Variants in ALK observed in about 807,000 individuals in gnomAD.
ALK encodes ALK tyrosine kinase receptor.
A neutral mutation model predicts 163.1 loss-of-function variants in ALK; 74 were observed. The ratio of observed to expected loss-of-function variants is 0.45; its 90% confidence interval spans 0.38 to 0.55. The LOEUF (loss-of-function observed/expected upper bound fraction) is 0.55. Ranked by LOEUF, ALK falls within the 20% of genes least tolerant of loss-of-function variation. The probability of loss-of-function intolerance (pLI) is 0.00; values close to 1 mark genes in which losing one functional copy is unlikely to be tolerated. For synonymous variants in ALK, 960 were observed against 843.2 expected, an observed-to-expected ratio of 1.14 and a Z score of -2.40; for missense variants, 2,063 against 2,105.3, an observed-to-expected ratio of 0.98 and a Z score of 0.39.
chr2:29,677,038 C>A (rs554167821), intron 3 of ALK, among the ~76,000 whole-genome samples: 1 of 151,872 alleles, frequency 6.6e-6, no homozygotes, highest in South Asian at 2.1e-4. Flanking sequence ...TTTGTGAATT[C>A]TTTTGGGATT....
intron 3 of ALK, among the ~76,000 whole-genome samples, chr2:29,688,153 G>A (rs1678292055): frequency 6.6e-6 from 1 of 152,206 alleles, no homozygotes; most frequent in Admixed American, 6.5e-5. Context: ...ACTTAAGAGG[G>A]AACACAGGGG....
intron 3 of ALK, among the ~76,000 whole-genome samples, chr2:29,605,614 G>A (rs184051844): frequency 9.7e-4 from 147 of 152,212 alleles, no homozygotes; most frequent in Non-Finnish European, 1.6e-3. Context: ...TTTCTTCCAC[G>A]TGATCACCTG....
intron 4 of ALK, among the ~76,000 whole-genome samples, chr2:29,480,389 C>A (rs11674611): frequency 6.6e-6 from 1 of 151,962 alleles, no homozygotes; most frequent in Non-Finnish European, 1.5e-5. Flanking sequence ...TTTTCTATGT[C>A]TCTAAAATAT....
At chr2:29,728,607 G>A (rs1679642005) in intron 1 of ALK, among the ~76,000 whole-genome samples, 1 of 152,232 alleles carries the variant, frequency 6.6e-6, no homozygotes, top group South Asian at 2.1e-4. Context: ...GAGAGGCAGG[G>A]GAAGATTACC....
chr2:29,651,208 TC>T (rs1425816814), intron 3 of ALK, among the ~76,000 whole-genome samples: 1 of 152,088 alleles, frequency 6.6e-6, no homozygotes, highest in Non-Finnish European at 1.5e-5. Flanking sequence ...AGACCACTCT[TC>T]CTGACATGAT....
chr2:29,512,742 G>C (rs977132433), intron 4 of ALK, among the ~76,000 whole-genome samples: 4 of 149,072 alleles, frequency 2.7e-5, no homozygotes, highest in African/African-American at 9.9e-5. Flanking sequence ...TGTATATCTA[G>C]AAAACCCCAC....
chr2:29,401,778 A>G (rs1489244661), intron 4 of ALK, among the ~76,000 whole-genome samples: 1 of 152,174 alleles, frequency 6.6e-6, no homozygotes, highest in Non-Finnish European at 1.5e-5. Flanking sequence ...CACAGTGTGG[A>G]AATAATTGAA....
chr2:29,402,870 C>CCCT (rs796903814), intron 4 of ALK, among the ~76,000 whole-genome samples: 96 of 152,258 alleles, frequency 6.3e-4, no homozygotes, highest in African/African-American at 2.1e-3. Context: ...CACCACAAAT[C>CCCT]CCTCCTCCTC....
chr2:29,786,664 T>C (rs1303080554), intron 1 of ALK, among the ~76,000 whole-genome samples: 1 of 152,196 alleles, frequency 6.6e-6, no homozygotes, highest in African/African-American at 2.4e-5. Context: ...GTCTCAGTTG[T>C]GGGAGCCCAA....
At chr2:29,840,066 T>G (rs929153942) in intron 1 of ALK, among the ~76,000 whole-genome samples, 1 of 152,212 alleles carries the variant, frequency 6.6e-6, no homozygotes, top group African/African-American at 2.4e-5. Context: ...CAAAGCTGTC[T>G]AAATCTATAG....
chr2:29,768,941 C>A (rs887919577), intron 1 of ALK, among the ~76,000 whole-genome samples: 2 of 152,028 alleles, frequency 1.3e-5, no homozygotes, highest in African/African-American at 4.8e-5. Context: ...TCAAGCGATC[C>A]TCCCGCCTCA....
At chr2:29,301,403 A>T (rs917856439) in intron 8 of ALK, among the ~76,000 whole-genome samples, 1 of 152,124 alleles carries the variant, frequency 6.6e-6, no homozygotes, top group Admixed American at 6.5e-5. Context: ...TATTCATCTT[A>T]TGTTCACAGT....
At chr2:29,333,867 C>T (rs1355249583) in intron 5 of ALK, among the ~76,000 whole-genome samples, 1 of 152,196 alleles carries the variant, frequency 6.6e-6, no homozygotes, top group East Asian at 1.9e-4. Flanking sequence ...CTGCCTCAGC[C>T]TCCTGAAGTG....
chr2:29,694,438 G>A (rs539040712), intron 3 of ALK, among the ~76,000 whole-genome samples: 1 of 152,230 alleles, frequency 6.6e-6, no homozygotes, highest in South Asian at 2.1e-4. Context: ...AATTGGAGTA[G>A]TTCTTAGTTT....
chr2:29,619,566 C>T lies in ALK; in HGVS notation c.952+75284G>A, dbSNP rs557299819. ...CTCTTCAGTGTCACTGACGACTTCCCAAATAGCAAGCAGCACTGCCGGCCC... is the reference window on the plus strand; with the variant it reads ...CTCTTCAGTGTCACTGACGACTTCCTAAATAGCAAGCAGCACTGCCGGCCC... On this transcript the variant is annotated intron_variant, in intron 3 of 28. Coordinates refer to ENST00000389048, the MANE Select transcript of ALK (RefSeq NM_004304.5). Among the ~76,000 whole-genome samples the T allele has an allele frequency of 1.8e-4, 27 of 152,250 alleles. 1 individual carries two copies. In the South Asian group the frequency reaches 5.4e-3, roughly 30 times the overall value.
At chr2:29,456,877 A>G (rs965753753) in intron 4 of ALK, among the ~76,000 whole-genome samples, 1 of 152,156 alleles carries the variant, frequency 6.6e-6, no homozygotes, top group Non-Finnish European at 1.5e-5. Flanking sequence ...CAGAGAATAT[A>G]CAATTTATAC....
At chr2:29,479,863 T>C (rs1671620743) in intron 4 of ALK, among the ~76,000 whole-genome samples, 1 of 152,146 alleles carries the variant, frequency 6.6e-6, no homozygotes, top group Non-Finnish European at 1.5e-5. Flanking sequence ...AAAGGATAGG[T>C]TCAGACTGGG....
chr2:29,390,620 T>A (rs1204267261), intron 4 of ALK, among the ~76,000 whole-genome samples: 2 of 151,984 alleles, frequency 1.3e-5, no homozygotes, highest in African/African-American at 2.4e-5. Flanking sequence ...AATCTTATCC[T>A]ACAGGGAAAA....
intron 1 of ALK, among the ~76,000 whole-genome samples, chr2:29,778,813 C>G (rs753894567): frequency 3.3e-5 from 5 of 152,108 alleles, no homozygotes; most frequent in Non-Finnish European, 5.9e-5. Flanking sequence ...CTGCTGAACC[C>G]CCCGTGCGTC....
Sources: gnomAD v4.1 joint callset for allele counts (sites outside exome capture counted in the v4.1 genomes callset) on GRCh38, gnomAD v4.1.1 for gene constraint, MANE v1.5 for transcripts, NCBI Gene and HGNC (gene_info 2026-07-23, HGNC 2026-07-21) for gene names.